SERAC1: variants seen among roughly 807,000 people sequenced by gnomAD.
SERAC1 encodes serine active site containing 1.
Under a neutral mutation model 85.7 loss-of-function variants are expected in SERAC1, and 36 were observed. That is an observed-to-expected ratio of 0.42 (90% confidence interval 0.32 to 0.55). The LOEUF is 0.55. Ranked by LOEUF, SERAC1 falls within the 20% of genes least tolerant of loss-of-function variation. The probability of loss-of-function intolerance (pLI) is 0.11; values close to 1 mark genes in which losing one functional copy is unlikely to be tolerated. For missense variants in SERAC1, 629 were observed against 796.2 expected, an observed-to-expected ratio of 0.79 and a Z score of 2.53; for synonymous variants, 242 against 265.3, an observed-to-expected ratio of 0.91 and a Z score of 0.85.
intron 7 of SERAC1, 105 bp downstream of exon 7, chr6:158,144,194 A>C (rs1784996267): frequency 1.2e-6 from 1 of 835,374 alleles, no homozygotes; most frequent in Non-Finnish European, 1.8e-6. Flanking sequence ...TGCTTGTGAG[A>C]AGTAGCCAAC....
At chr6:158,121,029 G>C (rs1784407462) in intron 10 of SERAC1, among the ~76,000 whole-genome samples, 1 of 152,028 alleles carries the variant, frequency 6.6e-6, no homozygotes, top group Non-Finnish European at 1.5e-5. Flanking sequence ...ATGAATTTGA[G>C]ACACAAAACT....
chr6:158,122,767 G>A (rs1784452158), intron 10 of SERAC1, among the ~76,000 whole-genome samples: 1 of 152,178 alleles, frequency 6.6e-6, no homozygotes, highest in Non-Finnish European at 1.5e-5. Flanking sequence ...GCAACAGAGT[G>A]AGACGCTGTC....
At chr6:158,116,071 G>T (rs1451967635) in intron 14 of SERAC1, 114 bp downstream of exon 14, 6 of 752,076 alleles carry the variant, frequency 8.0e-6, no homozygotes, top group Admixed American at 4.5e-5. Flanking sequence ...TTTAGCAGGG[G>T]GGGTAAGGGA....
intron 8 of SERAC1, among the ~76,000 whole-genome samples, chr6:158,140,902 CT>C (rs1784900460): frequency 6.6e-6 from 1 of 152,106 alleles, no homozygotes; most frequent in Non-Finnish European, 1.5e-5. Context: ...AAATGCTTTG[CT>C]TTTTTCCTAT....
chr6:158,132,769 A>C (rs891200304), intron 8 of SERAC1, among the ~76,000 whole-genome samples: 15 of 152,328 alleles, frequency 9.8e-5, no homozygotes, highest in African/African-American at 2.9e-4. Context: ...AAAAGGAATG[A>C]ATACAAAGGA....
intron 14 of SERAC1, 59 bp from the exon 15 acceptor site, chr6:158,115,030 GT>G: frequency 6.6e-7 from 1 of 1,512,402 alleles, no homozygotes; most frequent in Non-Finnish European, 8.8e-7. Context: ...CTTTATTACT[GT>G]AAAAAAAGAA....
At chr6:158,131,606 G>A (rs549641806) in intron 8 of SERAC1, among the ~76,000 whole-genome samples, 1 of 151,774 alleles carries the variant, frequency 6.6e-6, no homozygotes, top group South Asian at 2.1e-4. Context: ...TCGAACAGAC[G>A]AGGTTCTAGG....
chr6:158,127,383 C>T (rs1784568878), intron 10 of SERAC1, among the ~76,000 whole-genome samples: 2 of 65,934 alleles, frequency 3.0e-5, no homozygotes, highest in Middle Eastern at 5.1e-3. Flanking sequence ...GGGGGGTCAG[C>T]CCCCCTGCCC....
Position 158,117,522 on chromosome 6 carries a change from G to C in SERAC1, c.1403+205C>G, listed in dbSNP as rs1784318767. The C allele has an allele frequency of 6.4e-7, 1 of 1,550,456 alleles. No individual in the cohort carries two copies. The highest frequency in any genetic ancestry group is 1.7e-4 in the Middle Eastern group (1 of 5,992). The stretch of plus-strand genomic sequence containing the variant: ...TAAACCATGTTAGGAGCCCACCATT[G>C]GTGATATACCTAAGCCTTCTACTAT... On this transcript the variant is annotated intron_variant, in intron 13 of 16. Coordinates refer to ENST00000647468, the MANE Select transcript of SERAC1 (RefSeq NM_032861.4). This position sits in a 1 kb window ranked among gnomAD's most constrained non-coding sequence, Gnocchi z 4.3.
chr6:158,114,665 G>GTC lies in SERAC1; in HGVS notation c.1684+122_1684+123dup, dbSNP rs763049590. 14 of 554,480 alleles carry GTC rather than the reference G, an allele frequency of 2.5e-5. No homozygotes were observed. In the African/African-American group the frequency reaches 6.1e-4, roughly 24 times the overall value. The allele number at this position is 554,480 out of a possible 1,614,324, so 34.3% of individuals were successfully genotyped here. A position where few individuals can be genotyped will look rare whatever the true frequency, so the allele number is the denominator to read the frequency against. Reference sequence around the variant, plus strand: ...GCCCAACCCAAAATTTCCATGAATAGTCTAAACACAATTATATACAAATTA... The same window carrying GTC: ...GCCCAACCCAAAATTTCCATGAATAGTCTCTAAACACAATTATATACAAATTA... On this transcript the variant is annotated intron_variant, in intron 15 of 16. Coordinates refer to ENST00000647468, the MANE Select transcript of SERAC1 (RefSeq NM_032861.4).
At chr6:158,130,319 AATT>A in intron 9 of SERAC1, 51 bp downstream of exon 9, 1 of 1,011,926 alleles carries the variant, frequency 9.9e-7, no homozygotes, top group South Asian at 1.8e-5. Flanking sequence ...CAACCTATAT[AATT>A]ATTTCAATAA....
chr6:158,149,173 T>C (rs570757513), intron 4 of SERAC1, among the ~76,000 whole-genome samples: 1 of 152,140 alleles, frequency 6.6e-6, no homozygotes, highest in Non-Finnish European at 1.5e-5. Context: ...TTTGTATTTT[T>C]AGTAGAGACA....
At position 158,117,700 on chromosome 6, in the gene SERAC1, C is replaced by G. The variant is rs372920105; in HGVS notation, c.1403+27G>C. ...CTTGCGGCCTGAATTCTTCCCTGTC[C>G]TCCTGGTCTAAAGTCGCCTCTGTTA... On this transcript the variant is annotated intron_variant, in intron 13 of 16. Transcript: ENST00000647468. This position sits in a 1 kb window ranked among gnomAD's most constrained non-coding sequence, Gnocchi z 4.3. 6 of 1,612,810 alleles carry G rather than the reference C, an allele frequency of 3.7e-6. No homozygotes were observed. In the African/African-American group the frequency reaches 8.0e-5, roughly 22 times the overall value.
chr6:158,144,282 A>T lies in SERAC1; in HGVS notation c.609+17T>A, dbSNP rs1362399228. 6.3e-7 allele frequency: 1 copy of T among 1,590,148 alleles called. No homozygotes were observed. Among genetic ancestry groups the T allele is most frequent in the Non-Finnish European group, 8.6e-7 (1 of 1,162,136 alleles). ...ATTTTTCACTCTCTAAATTACTATT[A>T]TTATTGTTTTACTTACTTCTTTTAA... On this transcript the variant is annotated intron_variant, in intron 7 of 16. Coordinates refer to ENST00000647468, the MANE Select transcript of SERAC1 (RefSeq NM_032861.4).
At chr6:158,121,981 A>G (rs1229949895) in intron 10 of SERAC1, among the ~76,000 whole-genome samples, 1 of 152,248 alleles carries the variant, frequency 6.6e-6, no homozygotes, top group African/African-American at 2.4e-5. Context: ...CATGCAAAAC[A>G]CATAATAATG....
chr6:158,161,845 G>C lies in SERAC1; in HGVS notation c.-1-3481C>G, dbSNP rs143455080. 610 of 152,202 alleles carry C rather than the reference G, an allele frequency of 4.0e-3. 6 individuals carry two copies. Among genetic ancestry groups the C allele is most frequent in the Middle Eastern group, 0.01 (3 of 296 alleles). The allele number at this position is 152,202 out of a possible 1,614,324, so 9.4% of individuals were successfully genotyped here. A position where few individuals can be genotyped will look rare whatever the true frequency, so the allele number is the denominator to read the frequency against. On this transcript the variant is annotated intron_variant, in intron 1 of 16. Coordinates refer to ENST00000647468, the MANE Select transcript of SERAC1 (RefSeq NM_032861.4). ...TAAATCTCCTCAGAGCCAGGTACTA[G>C]GCAGCTAGAGACCACCTCTCTGGTC...
intron 8 of SERAC1, among the ~76,000 whole-genome samples, chr6:158,134,205 A>T (rs1484480376): frequency 6.6e-6 from 1 of 152,192 alleles, no homozygotes; most frequent in Non-Finnish European, 1.5e-5. Flanking sequence ...GATGTCATTA[A>T]AAAATAAAAG....
intron 8 of SERAC1, among the ~76,000 whole-genome samples, chr6:158,131,867 G>A (rs1444956520): frequency 1.3e-5 from 2 of 152,168 alleles, no homozygotes; most frequent in Non-Finnish European, 1.5e-5. Flanking sequence ...TTATGGTACA[G>A]TTGTACAATG....
At chr6:158,145,781 C>G (rs1182170861) in intron 6 of SERAC1, 1 of 152,058 alleles carries the variant, frequency 6.6e-6, no homozygotes, top group Non-Finnish European at 1.5e-5. Flanking sequence ...CCTCAGCCTC[C>G]CAAAGTGCTG....
Sources: allele counts gnomAD v4.1 joint callset (sites outside exome capture counted in the v4.1 genomes callset), GRCh38; gene constraint gnomAD v4.1.1; non-coding constraint Gnocchi (gnomAD v3.1); transcripts MANE v1.5; gene names NCBI Gene and HGNC (gene_info 2026-07-23, HGNC 2026-07-21).